Variants in ALLC observed in about 807,000 individuals in gnomAD.
ALLC encodes probable inactive allantoicase.
In ALLC, 40 loss-of-function variants were observed where a neutral mutation model predicts 45.0. The observed-to-expected ratio is 0.89, with a 90% CI of 0.69 to 1.16. ALLC has a LOEUF of 1.16. Among genes scored for constraint, ALLC ranks in the 50% most tolerant of loss-of-function variants. The probability of loss-of-function intolerance (pLI) is 0.00; values close to 1 mark genes in which losing one functional copy is unlikely to be tolerated. For synonymous variants in ALLC, 176 were observed against 178.1 expected (o/e 0.99, Z 0.09); for missense variants, 488 against 493.1 (o/e 0.99, Z 0.10).
At chr2:3,651,430 TGTGTGTGTGTGTTA>T in the ALLC span, among the ~76,000 whole-genome samples, 25 of 59,694 alleles carry the variant, frequency 4.2e-4, 1 homozygote, top group African/African-American at 1.1e-3. Flanking sequence ...TGTGTGTGTG[TGTGTGTGTGTGTTA>T]GGAAGGGAGA....
the ALLC span, among the ~76,000 whole-genome samples, chr2:3,650,652 G>A: frequency 6.6e-6 from 1 of 152,146 alleles, no homozygotes; most frequent in Non-Finnish European, 1.5e-5. Context: ...GGGGCGTCTC[G>A]CACTTGTCTG....
intron 11 of ALLC, 95 bp downstream of exon 11, chr2:3,701,731 C>G (rs892019845): frequency 1.9e-5 from 27 of 1,400,734 alleles, no homozygotes; most frequent in Non-Finnish European, 2.6e-5. Flanking sequence ...AAAGTTTCTG[C>G]TCAGTTTAAT....
intron 7 of ALLC, chr2:3,695,034 CT>C (rs1667624312): frequency 6.6e-6 from 1 of 152,180 alleles, no homozygotes; most frequent in African/African-American, 2.4e-5. Context: ...AATCACATTG[CT>C]AAGCAGGGTG....
Position 3,678,389 on chromosome 2 carries a change from G to T in ALLC, c.85-79G>T, listed in dbSNP as rs1667080821. On this transcript the variant is annotated intron_variant, in intron 3 of 11. Coordinates refer to ENST00000252505, the MANE Select transcript of ALLC (RefSeq NM_018436.4). ...CGGTTTGCACCGTTCCTCTGGCACT[G>T]TGGGACAGAAGTGGACTTGCTGGAA... 1.2e-5 allele frequency: 15 copies of T among 1,256,662 alleles called. No individual in the cohort carries two copies. The Middle Eastern group carries it at 5.7e-4, about 48-fold the overall frequency. The allele number at this position is 1,256,662 out of a possible 1,614,324, so 77.8% of individuals were successfully genotyped here. A position where few individuals can be genotyped will look rare whatever the true frequency, so the allele number is the denominator to read the frequency against.
rs376921494 is a variant in ALLC at position 3,672,097 on chromosome 2, C to T, written c.33+907C>T. Among the ~76,000 whole-genome samples, 22 of 84,848 alleles carry T rather than the reference C, an allele frequency of 2.6e-4. 1 individual carries two copies. Among genetic ancestry groups the T allele is most frequent in the African/African-American group, 8.7e-4 (14 of 16,112 alleles). The allele number at this position is 84,848 out of a possible 152,430, so 55.7% of individuals were successfully genotyped here. ...GGAGGTCCTCTGGCTGTGGTTAGAT[C>T]GGAGGTCCTCTGGCTCTAGTTAGAT... On this transcript the variant is annotated intron_variant, in intron 2 of 11. Transcript: ENST00000252505.
chr2:3,670,142 C>T (rs911437835), intron 1 of ALLC, among the ~76,000 whole-genome samples: 2 of 152,172 alleles, frequency 1.3e-5, no homozygotes, highest in African/African-American at 4.8e-5. Context: ...CATTCGTGCT[C>T]CTGACCACAG....
At chr2:3,689,194 T>C (rs769300188) in intron 7 of ALLC, among the ~76,000 whole-genome samples, 1 of 150,982 alleles carries the variant, frequency 6.6e-6, no homozygotes, top group South Asian at 2.1e-4. Flanking sequence ...TGATCCTCTG[T>C]ATTATTTTAG....
chr2:3,652,117 G>A, the ALLC span, among the ~76,000 whole-genome samples: 1 of 152,250 alleles, frequency 6.6e-6, no homozygotes, highest in Non-Finnish European at 1.5e-5. Context: ...TGGGAGGCCC[G>A]GAGCCCCGCC....
intron 8 of ALLC, 71 bp downstream of exon 8, chr2:3,695,943 C>A: frequency 6.9e-7 from 1 of 1,444,684 alleles, no homozygotes; most frequent in South Asian, 1.4e-5. Context: ...CCAATATGGT[C>A]AGAGTGATTT....
chr2:3,663,165 G>A (rs974300586), intron 1 of ALLC, among the ~76,000 whole-genome samples: 2 of 152,154 alleles, frequency 1.3e-5, no homozygotes, highest in African/African-American at 2.4e-5. Flanking sequence ...CAAAGACATA[G>A]AACCAACCTA....
rs1451538980 is a variant in ALLC, at chr2:3,663,381, T to C, written c.-63+5087T>C. Reference sequence around the variant, plus strand: ...GTGGGAGCTGAACAGGGAGAACACATAGACATGTTGGGGGGAACATCACAC... The same window carrying C: ...GTGGGAGCTGAACAGGGAGAACACACAGACATGTTGGGGGGAACATCACAC... On this transcript the variant is annotated intron_variant, in intron 1 of 11. Coordinates refer to ENST00000252505, the MANE Select transcript of ALLC (RefSeq NM_018436.4). 3.9e-5 allele frequency among the ~76,000 whole-genome samples: 6 copies of C among 152,138 alleles called. No homozygotes were observed. In the East Asian group the frequency reaches 1.2e-3, roughly 29 times the overall value.
intron 4 of ALLC, among the ~76,000 whole-genome samples, chr2:3,678,931 G>A (rs1667101218): frequency 6.6e-6 from 1 of 152,164 alleles, no homozygotes; most frequent in Non-Finnish European, 1.5e-5. Flanking sequence ...TAACCGCCAT[G>A]GAAACAGATT....
At chr2:3,681,808 G>C (rs1391565400) in intron 6 of ALLC, 95 bp downstream of exon 6, 2 of 996,482 alleles carry the variant, frequency 2.0e-6, no homozygotes, top group Non-Finnish European at 3.0e-6. Flanking sequence ...CGATTCTTTG[G>C]GACGCCCAGC....
intron 6 of ALLC, among the ~76,000 whole-genome samples, chr2:3,682,167 T>C (rs1667197585): frequency 6.6e-6 from 1 of 152,186 alleles, no homozygotes; most frequent in Admixed American, 6.5e-5. Context: ...GAAATGTTGA[T>C]CCATAACAGA....
chr2:3,694,898 C>T (rs534432207), intron 7 of ALLC: 11 of 152,302 alleles, frequency 7.2e-5, no homozygotes, highest in Middle Eastern at 3.4e-3. Flanking sequence ...ACAAAACATT[C>T]GTTCTACTAG....
chr2:3,656,088 G>A (rs17017841), upstream of ALLC, among the ~76,000 whole-genome samples: 5,932 of 152,332 alleles, frequency 0.039, 301 homozygotes, highest in African/African-American at 0.12. Context: ...CCTAGTGAGC[G>A]GGACACCCAC....
At chr2:3,693,269 G>A (rs115141893) in intron 7 of ALLC, among the ~76,000 whole-genome samples, 6,194 of 152,246 alleles carry the variant, frequency 0.041, 431 homozygotes, top group African/African-American at 0.14. Flanking sequence ...CTGCTGTCAT[G>A]CCAGAAGTGG....
Position 3,702,435 on chromosome 2 carries a change from C to T in ALLC, c.1048C>T (p.Leu350Phe). ...ELQDVITHAR[L>F]TIVPDGGVSR... is the part of the protein sequence containing the mutation. ...CCAAGATGTCATCACTCACGCCAGG[C>T]TCACCATCGTCCCCGACGGGGGAGT... Residue 350 changes from leucine (L) to phenylalanine (F), a missense_variant, in exon 12 of 12, where the codon CTC becomes TTC. By Grantham distance (22) the Leu-to-Phe change is conservative. Coordinates refer to ENST00000252505, the MANE Select transcript of ALLC (RefSeq NM_018436.4). 1 of 1,613,086 alleles carries T rather than the reference C, an allele frequency of 6.2e-7. No individual in the cohort carries two copies. The highest frequency in any genetic ancestry group is 8.5e-7 in the Non-Finnish European group (1 of 1,179,802).
chr2:3,700,316 GT>G (rs1434480641), intron 10 of ALLC, among the ~76,000 whole-genome samples: 2 of 152,102 alleles, frequency 1.3e-5, no homozygotes, highest in African/African-American at 4.8e-5. Flanking sequence ...TGTGGCCATG[GT>G]TTTTACTTTT....
Sources: gnomAD v4.1 joint callset for allele counts (sites outside exome capture counted in the v4.1 genomes callset) on GRCh38, gnomAD v4.1.1 for gene constraint, MANE v1.5 for transcripts, NCBI Gene and HGNC (gene_info 2026-07-23, HGNC 2026-07-21) for gene names.